The following SNCAIP variants were observed in gnomAD, a reference collection of about 807,000 sequenced individuals.
SNCAIP encodes the protein synphilin-1.
SNCAIP carries 43 observed loss-of-function variants against 86.7 expected under a neutral mutation model. That is an observed-to-expected ratio of 0.50 (90% CI 0.39 to 0.64). SNCAIP has a LOEUF of 0.64. Ranked by LOEUF, SNCAIP falls within the 30% of genes least tolerant of loss-of-function variation. The pLI is 0.00. For missense variants in SNCAIP, 981 were observed against 1,103.1 expected (o/e 0.89, Z 1.57); for synonymous variants, 417 against 427.2 (o/e 0.98, Z 0.29).
chr5:122,313,857 A>G (rs1229611221), intron 1 of SNCAIP, among the ~76,000 whole-genome samples: 1 of 152,228 alleles, frequency 6.6e-6, no homozygotes, highest in African/African-American at 2.4e-5. Context: ...TGGAATCAGA[A>G]AGTAAAAGAT....
chr5:122,406,812 T>G (rs1285397201), intron 3 of SNCAIP, among the ~76,000 whole-genome samples: 3 of 150,022 alleles, frequency 2.0e-5, no homozygotes, highest in African/African-American at 7.3e-5. Flanking sequence ...CTCCTTTCTT[T>G]ATAAATTACC....
rs1783675056 is a variant in SNCAIP at position 122,451,505 on chromosome 5, G to A, written c.2658G>A (p.Gln886=). ...NNNNNYQAAN[Q]LKTSTLPLTS... ...ATAATAACTACCAGGCAGCCAACCAGCTGAAAACCTCTACATTGCCCTTGA... is the reference window on the plus strand; with the variant it reads ...ATAATAACTACCAGGCAGCCAACCAACTGAAAACCTCTACATTGCCCTTGA... Residue 886 remains glutamine (Q), a synonymous_variant, in exon 10 of 11, where the codon CAG becomes CAA. Coordinates refer to ENST00000261368, the MANE Select transcript of SNCAIP (RefSeq NM_005460.4). 3 of 1,613,736 alleles carry A rather than the reference G, an allele frequency of 1.9e-6. No homozygotes were observed. The African/African-American group carries it at 4.0e-5, about 22-fold the overall frequency.
intron 10 of SNCAIP, among the ~76,000 whole-genome samples, chr5:122,457,617 C>G (rs548743182): frequency 6.6e-6 from 1 of 152,210 alleles, no homozygotes; most frequent in Admixed American, 6.5e-5. Flanking sequence ...CTCTCTCACT[C>G]TCTCTCTCTT....
intron 10 of SNCAIP, among the ~76,000 whole-genome samples, chr5:122,459,307 A>G (rs953139307): frequency 6.6e-6 from 1 of 152,220 alleles, no homozygotes; most frequent in Non-Finnish European, 1.5e-5. Flanking sequence ...TCTGGTCACC[A>G]TGGACTGTGG....
chr5:122,351,573 A>G (rs1554083661), intron 1 of SNCAIP, among the ~76,000 whole-genome samples: 9 of 148,126 alleles, frequency 6.1e-5, no homozygotes, highest in East Asian at 2.0e-4. Flanking sequence ...AAAAGAACTA[A>G]TTAAAGACAT....
chr5:122,373,352 C>T (rs1194754581), intron 1 of SNCAIP, among the ~76,000 whole-genome samples: 1 of 152,072 alleles, frequency 6.6e-6, no homozygotes, highest in Non-Finnish European at 1.5e-5. Flanking sequence ...CTGTTACAGA[C>T]TTTGAACTGT....
intron 1 of SNCAIP, among the ~76,000 whole-genome samples, chr5:122,344,401 ATAAT>A (rs1758194016): frequency 6.6e-6 from 1 of 152,222 alleles, no homozygotes; most frequent in South Asian, 2.1e-4. Flanking sequence ...TAATGGTTTT[ATAAT>A]TAATTAATCA....
intron 2 of SNCAIP, among the ~76,000 whole-genome samples, chr5:122,392,436 C>T (rs1561653767): frequency 6.6e-6 from 1 of 152,138 alleles, no homozygotes; most frequent in Non-Finnish European, 1.5e-5. Context: ...TTCTCTTTCT[C>T]TCTCTAAGTC....
In SNCAIP at chr5:122,450,808, A is replaced by T. The variant is rs1260767296; in HGVS notation, c.1961A>T (p.Lys654Met). The change falls in exon 10 of 11, where the codon AAG becomes ATG. Residue 654 changes from lysine to methionine, a missense_variant. By Grantham distance (95) the Lys-to-Met change is moderately conservative. Coordinates refer to ENST00000261368, the MANE Select transcript of SNCAIP (RefSeq NM_005460.4). Reference sequence around the variant, plus strand: ...CAGGCTTCCTCTAGAAATTCTAAAAAGATCCCACTGGAGAAGAGGGAACTG... The same window carrying T: ...CAGGCTTCCTCTAGAAATTCTAAAATGATCCCACTGGAGAAGAGGGAACTG... ...DAQASSRNSK[K>M]IPLEKRELKL... 1 of 1,614,204 alleles carries T rather than the reference A, an allele frequency of 6.2e-7. No homozygotes were observed. The highest frequency in any genetic ancestry group is 8.5e-7 in the Non-Finnish European group (1 of 1,180,026).
intron 6 of SNCAIP, 130 bp from the exon 7 acceptor site, chr5:122,440,499 G>C: frequency 1.2e-6 from 1 of 853,600 alleles, no homozygotes; most frequent in East Asian, 2.5e-5. Context: ...ATCTGAATGA[G>C]AATTTTCTCT....
chr5:122,380,264 C>CT (rs1177378956), intron 1 of SNCAIP, among the ~76,000 whole-genome samples: 2 of 152,152 alleles, frequency 1.3e-5, no homozygotes, highest in African/African-American at 4.8e-5. Context: ...CTGGTTTATT[C>CT]TTGGGAGAGT....
chr5:122,402,198 C>A (rs1771968330), intron 2 of SNCAIP, among the ~76,000 whole-genome samples: 1 of 152,092 alleles, frequency 6.6e-6, no homozygotes, highest in Non-Finnish European at 1.5e-5. Flanking sequence ...AATTATCTAA[C>A]TTGTACCAGC....
chr5:122,393,246 T>C (rs1467136119), intron 2 of SNCAIP, among the ~76,000 whole-genome samples: 1 of 152,222 alleles, frequency 6.6e-6, no homozygotes, highest in African/African-American at 2.4e-5. Flanking sequence ...GATTTGAAAT[T>C]CTATGAAATT....
chr5:122,333,000 G>A (rs182181885), intron 1 of SNCAIP, among the ~76,000 whole-genome samples: 48 of 152,314 alleles, frequency 3.2e-4, no homozygotes, highest in African/African-American at 9.1e-4. Flanking sequence ...GAGAGACATG[G>A]CCACTATGGA....
At chr5:122,360,584 A>G (rs1353863725) in intron 1 of SNCAIP, among the ~76,000 whole-genome samples, 1 of 152,152 alleles carries the variant, frequency 6.6e-6, no homozygotes, top group Admixed American at 6.6e-5. Flanking sequence ...TACTTAACCT[A>G]TGTCTCCATT....
At chr5:122,374,915 A>G (rs1333245526) in intron 1 of SNCAIP, among the ~76,000 whole-genome samples, 1 of 152,136 alleles carries the variant, frequency 6.6e-6, no homozygotes, top group Non-Finnish European at 1.5e-5. Context: ...TTAGAAGTAT[A>G]TTAGGTAGGT....
intron 1 of SNCAIP, among the ~76,000 whole-genome samples, chr5:122,376,461 C>T (rs983076557): frequency 1.3e-5 from 2 of 152,168 alleles, no homozygotes; most frequent in African/African-American, 4.8e-5. Flanking sequence ...TAGTTCCCTT[C>T]CAGAAGCCAG....
rs375147262 is a variant in SNCAIP at position 122,329,645 on chromosome 5, CA to C, written c.-47+17366del. ...CTTACAAATCTGAATAACTTTGGTGCAAAAAGCTTATTAAGATTAGAGGAGC... is the reference window on the plus strand; with the variant it reads ...CTTACAAATCTGAATAACTTTGGTGCAAAAGCTTATTAAGATTAGAGGAGC... On this transcript the variant is annotated intron_variant, in intron 1 of 10. Transcript: ENST00000261368. 2.5e-3 allele frequency among the ~76,000 whole-genome samples: 375 copies of C among 152,128 alleles called. 3 individuals carry two copies. The highest frequency in any genetic ancestry group is 8.7e-3 in the African/African-American group (361 of 41,502).
chr5:122,409,160 A>G (rs1303171839), intron 3 of SNCAIP, among the ~76,000 whole-genome samples: 1 of 152,150 alleles, frequency 6.6e-6, no homozygotes, highest in Non-Finnish European at 1.5e-5. Flanking sequence ...AATATCTACT[A>G]CTCATGTGGG....
Sources: gnomAD v4.1 joint callset for allele counts (sites outside exome capture counted in the v4.1 genomes callset) on GRCh38, gnomAD v4.1.1 for gene constraint, MANE v1.5 for transcripts, NCBI Gene and HGNC (gene_info 2026-07-23, HGNC 2026-07-21) for gene names.